The following RBFOX1 variants were observed in gnomAD, a reference collection of about 807,000 sequenced individuals.
RBFOX1 encodes the protein RNA binding protein fox-1 homolog 1.
RBFOX1 carries 8 observed loss-of-function variants against 57.7 expected under a neutral mutation model. The ratio of observed to expected loss-of-function variants is 0.14; its 90% CI spans 0.08 to 0.25. RBFOX1 has a LOEUF of 0.25. RBFOX1 is among the 10% of genes least tolerant of loss of function. The pLI, the probability that RBFOX1 is intolerant of heterozygous loss-of-function variation, is 1.00. For synonymous variants in RBFOX1, 326 were observed against 222.4 expected (o/e 1.47, Z -4.15); for missense variants, 611 against 548.5 (o/e 1.11, Z -1.14).
At chr16:6,413,339 A>T (rs1234046890) in intron 2 of RBFOX1, among the ~76,000 whole-genome samples, 1 of 135,958 alleles carries the variant, frequency 7.4e-6, no homozygotes, top group Non-Finnish European at 1.6e-5. Flanking sequence ...AAAAAAAAAA[A>T]ATTGTAGAGA....
chr16:6,616,887 T>C (rs2098150124), intron 2 of RBFOX1, among the ~76,000 whole-genome samples: 2 of 152,186 alleles, frequency 1.3e-5, no homozygotes, highest in South Asian at 4.1e-4. Flanking sequence ...TTATGTAAAT[T>C]AAGTTTTATT....
At chr16:7,257,569 C>T (rs562979005) in intron 4 of RBFOX1, among the ~76,000 whole-genome samples, 1 of 152,156 alleles carries the variant, frequency 6.6e-6, no homozygotes, top group Admixed American at 6.5e-5. Flanking sequence ...TCCAGCCCAC[C>T]GTTGCCCACC....
chr16:6,947,699 A>C (rs756976592), intron 3 of RBFOX1, among the ~76,000 whole-genome samples: 6 of 152,206 alleles, frequency 3.9e-5, no homozygotes, highest in Non-Finnish European at 8.8e-5. Context: ...TCTGAGCCTC[A>C]GTTTGCTGAA....
chr16:5,875,827 A>G (rs1389023657), intron 4 of RBFOX1, among the ~76,000 whole-genome samples: 1 of 151,090 alleles, frequency 6.6e-6, no homozygotes, highest in African/African-American at 2.4e-5. Context: ...GGTTTGGGGG[A>G]TGAATTAGAA....
Position 6,801,558 on chromosome 16 carries a change from C to G in RBFOX1, c.-16+146908C>G, listed in dbSNP as rs146754772. Among the ~76,000 whole-genome samples, 21 of 152,050 alleles carry G rather than the reference C, an allele frequency of 1.4e-4. 1 individual carries two copies. The highest frequency in any genetic ancestry group is 5.1e-4 in the African/African-American group (21 of 41,486). ...AGGGCCCTTGAAATTTAGGGTGCAGCAAAAGGAAGCCCATAATTGGGGTGG... is the reference window on the plus strand; with the variant it reads ...AGGGCCCTTGAAATTTAGGGTGCAGGAAAAGGAAGCCCATAATTGGGGTGG... On this transcript the variant is annotated intron_variant, in intron 3 of 15. Coordinates refer to ENST00000550418, the MANE Select transcript of RBFOX1 (RefSeq NM_018723.4).
chr16:7,504,207 T>C lies in RBFOX1; in HGVS notation c.28-13940T>C, dbSNP rs576751719. Among the ~76,000 whole-genome samples, 14 of 152,248 alleles carry C rather than the reference T, an allele frequency of 9.2e-5. No individual in the cohort carries two copies. In the East Asian group the frequency reaches 2.7e-3, roughly 29 times the overall value. The stretch of plus-strand genomic sequence containing the variant: ...GAGCCTATTATTTATGAAATGAAGA[T>C]AAAGTCGGTGCCCGTATCATCGGGC... On this transcript the variant is annotated intron_variant, in intron 4 of 15. Transcript: ENST00000550418.
intron 2 of RBFOX1, among the ~76,000 whole-genome samples, chr16:5,556,677 C>G (rs112913749): frequency 6.6e-6 from 1 of 152,170 alleles, no homozygotes; most frequent in Non-Finnish European, 1.5e-5. Flanking sequence ...CGGGCACCTT[C>G]CATGTGATAC....
At chr16:6,467,928 G>T (rs1334425711) in intron 2 of RBFOX1, among the ~76,000 whole-genome samples, 1 of 152,216 alleles carries the variant, frequency 6.6e-6, no homozygotes, top group African/African-American at 2.4e-5. Flanking sequence ...CCAATAAAGG[G>T]TTAATGGGAA....
chr16:6,847,413 C>A (rs2093814869), intron 3 of RBFOX1, among the ~76,000 whole-genome samples: 1 of 151,994 alleles, frequency 6.6e-6, no homozygotes, highest in Non-Finnish European at 1.5e-5. Context: ...GGGGAAGCAG[C>A]CGTCTAGACT....
At position 6,311,865 on chromosome 16, in the gene RBFOX1, T is replaced by C. The variant is rs140813703; in HGVS notation, c.-126-5130T>C. Among the ~76,000 whole-genome samples, 534 of 152,176 alleles carry C rather than the reference T, an allele frequency of 3.5e-3. 5 individuals are homozygous for C. Among genetic ancestry groups the C allele is most frequent in the Middle Eastern group, 0.01 (3 of 294 alleles). On this transcript the variant is annotated intron_variant, in intron 1 of 15. Coordinates refer to ENST00000550418, the MANE Select transcript of RBFOX1 (RefSeq NM_018723.4). ...ATCCCAGGTGTGATGGGCACTAACC[T>C]CTCTACCACCAGGAATCGCACATCA...
chr16:5,368,021 C>T (rs2065767636), intron 1 of RBFOX1, among the ~76,000 whole-genome samples: 2 of 152,176 alleles, frequency 1.3e-5, no homozygotes, highest in African/African-American at 4.8e-5. Flanking sequence ...CAAGGAGGAT[C>T]ATTAAGTGGC....
At chr16:6,952,496 G>A (rs1339448222) in intron 3 of RBFOX1, among the ~76,000 whole-genome samples, 1 of 151,710 alleles carries the variant, frequency 6.6e-6, no homozygotes, top group Admixed American at 6.6e-5. Flanking sequence ...AAAATTAGCA[G>A]GTGTGGTCAT....
At chr16:6,586,172 G>A (rs548841288) in intron 2 of RBFOX1, among the ~76,000 whole-genome samples, 13 of 152,292 alleles carry the variant, frequency 8.5e-5, no homozygotes, top group Admixed American at 2.6e-4. Flanking sequence ...GAAGGCAGCC[G>A]TAGGCAGTTG....
chr16:6,566,905 G>C (rs1302061338), intron 2 of RBFOX1, among the ~76,000 whole-genome samples: 2 of 152,118 alleles, frequency 1.3e-5, no homozygotes, highest in Non-Finnish European at 2.9e-5. Context: ...TTTTTGGCAA[G>C]TCTTTGAACA....
intron 4 of RBFOX1, among the ~76,000 whole-genome samples, chr16:5,996,044 A>T (rs1337485026): frequency 1.3e-5 from 2 of 152,104 alleles, no homozygotes; most frequent in Non-Finnish European, 2.9e-5. Flanking sequence ...GACCTCTTTT[A>T]TAAGAGTACT....
chr16:6,837,037 G>T (rs957121605), intron 3 of RBFOX1, among the ~76,000 whole-genome samples: 15 of 152,118 alleles, frequency 9.9e-5, no homozygotes, highest in African/African-American at 3.6e-4. Flanking sequence ...GGCTTTTACA[G>T]TAAGCCCAGG....
intron 2 of RBFOX1, among the ~76,000 whole-genome samples, chr16:5,575,935 T>C (rs2046437920): frequency 6.6e-6 from 1 of 151,994 alleles, no homozygotes; most frequent in Non-Finnish European, 1.5e-5. Flanking sequence ...AGTGAAGACA[T>C]CTGCTTCTTT....
At chr16:7,610,376 T>C (rs959716101) in intron 10 of RBFOX1, among the ~76,000 whole-genome samples, 13 of 151,454 alleles carry the variant, frequency 8.6e-5, no homozygotes, top group Non-Finnish European at 1.5e-4. Flanking sequence ...CCAGCCTGTT[T>C]ATTTATTTTT....
rs145105148 is a variant in RBFOX1 at position 6,972,729 on chromosome 16, A to G, written c.-15-79328A>G. On this transcript the variant is annotated intron_variant, in intron 3 of 15. Coordinates refer to ENST00000550418, the MANE Select transcript of RBFOX1 (RefSeq NM_018723.4). ...GGCAGAGGTGGTCTCATGCGAAAGT[A>G]TAAGTGGGAGACTCCAGGGGAAACA... Among the ~76,000 whole-genome samples the G allele has an allele frequency of 2.1e-4, 32 of 152,270 alleles. 1 individual carries two copies. In the East Asian group the frequency reaches 6.0e-3, roughly 29 times the overall value.
Sources: allele counts gnomAD v4.1 joint callset (sites outside exome capture counted in the v4.1 genomes callset), GRCh38; gene constraint gnomAD v4.1.1; transcripts MANE v1.5; gene names NCBI Gene and HGNC (gene_info 2026-07-23, HGNC 2026-07-21).